Variants in AGBL4 observed in about 807,000 individuals in gnomAD.
AGBL4 encodes AGBL carboxypeptidase 4, also known as cytosolic carboxypeptidase 6.
A neutral mutation model predicts 66.4 loss-of-function variants in AGBL4; 58 were observed. That is an observed-to-expected ratio of 0.87 (90% confidence interval 0.71 to 1.09). The LOEUF (loss-of-function observed/expected upper bound fraction) is 1.09. Among genes scored for constraint, AGBL4 ranks in the 50% least tolerant of loss-of-function variants. The pLI is 0.00. For synonymous variants in AGBL4, 234 were observed against 222.9 expected (o/e 1.05, Z -0.44); for missense variants, 579 against 631.0 (o/e 0.92, Z 0.88).
chr1:49,032,828 G>A (rs895263525), intron 5 of AGBL4, among the ~76,000 whole-genome samples: 1 of 152,126 alleles, frequency 6.6e-6, no homozygotes, highest in Non-Finnish European at 1.5e-5. Flanking sequence ...TAGTATATGA[G>A]AATAACTTAA....
At chr1:49,912,204 TG>T (rs1650908443) in intron 1 of AGBL4, among the ~76,000 whole-genome samples, 1 of 152,206 alleles carries the variant, frequency 6.6e-6, no homozygotes. Flanking sequence ...CTATCCCATC[TG>T]TGCAGGGACT....
intron 5 of AGBL4, among the ~76,000 whole-genome samples, chr1:48,938,039 A>G (rs1655626370): frequency 6.6e-6 from 1 of 152,222 alleles, no homozygotes; most frequent in Non-Finnish European, 1.5e-5. Flanking sequence ...GGACTATAAT[A>G]TCTACATCCT....
At chr1:48,904,559 A>G (rs1652403159) in intron 5 of AGBL4, among the ~76,000 whole-genome samples, 1 of 152,218 alleles carries the variant, frequency 6.6e-6, no homozygotes, top group South Asian at 2.1e-4. Flanking sequence ...GTCTGTCTCT[A>G]TTCAAATACG....
chr1:48,940,537 T>C (rs1238599479), intron 5 of AGBL4, among the ~76,000 whole-genome samples: 3 of 152,176 alleles, frequency 2.0e-5, no homozygotes, highest in African/African-American at 7.2e-5. Context: ...AAGTAGTGTT[T>C]TGGGAAATGA....
chr1:49,883,989 A>G (rs1647727326), intron 1 of AGBL4, among the ~76,000 whole-genome samples: 1 of 152,048 alleles, frequency 6.6e-6, no homozygotes, highest in Non-Finnish European at 1.5e-5. Context: ...AATGACATTT[A>G]CAGCAGTACA....
intron 2 of AGBL4, among the ~76,000 whole-genome samples, chr1:49,769,646 C>G (rs139034567): frequency 6.3e-4 from 96 of 152,030 alleles, no homozygotes; most frequent in African/African-American, 2.3e-3. Context: ...AATAGAGAAC[C>G]CAGAAATAAA....
intron 3 of AGBL4, among the ~76,000 whole-genome samples, chr1:49,256,517 T>C (rs1211415982): frequency 6.6e-6 from 1 of 152,206 alleles, no homozygotes; most frequent in Non-Finnish European, 1.5e-5. Context: ...TATAAAACAT[T>C]GTTGAGACAA....
chr1:49,456,888 G>A (rs1329125888), intron 3 of AGBL4, among the ~76,000 whole-genome samples: 1 of 151,666 alleles, frequency 6.6e-6, no homozygotes, highest in Admixed American at 6.6e-5. Context: ...CTGGTTTGCT[G>A]TGAATACCAC....
At chr1:49,554,543 G>C (rs1156667332) in intron 3 of AGBL4, among the ~76,000 whole-genome samples, 2 of 152,138 alleles carry the variant, frequency 1.3e-5, no homozygotes, top group Admixed American at 6.6e-5. Context: ...AGACACTCCA[G>C]ATACCAAGTG....
intron 3 of AGBL4, among the ~76,000 whole-genome samples, chr1:49,260,117 A>C (rs995129940): frequency 8.7e-5 from 13 of 150,254 alleles, no homozygotes; most frequent in Non-Finnish European, 1.9e-4. Context: ...AACGAGAACA[A>C]AGACACAACA....
At chr1:48,989,333 G>A (rs1029039144) in intron 5 of AGBL4, among the ~76,000 whole-genome samples, 1 of 151,850 alleles carries the variant, frequency 6.6e-6, no homozygotes, top group Non-Finnish European at 1.5e-5. Context: ...GGTAAATGGG[G>A]TATCCATCAC....
chr1:49,885,603 T>A (rs925537169), intron 1 of AGBL4, among the ~76,000 whole-genome samples: 2 of 152,050 alleles, frequency 1.3e-5, no homozygotes, highest in African/African-American at 2.4e-5. Flanking sequence ...CTACAATCAA[T>A]TAGAGGATGT....
intron 9 of AGBL4, among the ~76,000 whole-genome samples, chr1:48,619,265 A>G (rs950685577): frequency 1.6e-4 from 25 of 152,222 alleles, no homozygotes; most frequent in African/African-American, 5.8e-4. Flanking sequence ...GGTGACGGAA[A>G]CAAGAGTTTC....
chr1:49,934,895 A>G (rs1375134642), intron 1 of AGBL4, among the ~76,000 whole-genome samples: 4 of 151,988 alleles, frequency 2.6e-5, no homozygotes, highest in Admixed American at 6.5e-5. Flanking sequence ...ACAGCTCCCA[A>G]CGTGAGCGAT....
intron 6 of AGBL4, among the ~76,000 whole-genome samples, chr1:48,790,375 G>GA (rs11431488): frequency 0.68 from 94,584 of 138,310 alleles, 29,923 homozygotes; most frequent in Non-Finnish European, 0.76. Context: ...CAAAAAGGGG[G>GA]AAAAAATCTT....
chr1:49,070,438 T>G (rs1015467770), intron 4 of AGBL4, among the ~76,000 whole-genome samples: 2 of 152,000 alleles, frequency 1.3e-5, no homozygotes, highest in African/African-American at 4.8e-5. Context: ...GTTTTTAGCA[T>G]GAAGGGCTGT....
chr1:48,909,883 A>T (rs1418092777), intron 5 of AGBL4, among the ~76,000 whole-genome samples: 1 of 152,226 alleles, frequency 6.6e-6, no homozygotes, highest in Non-Finnish European at 1.5e-5. Flanking sequence ...TTTCCTATAC[A>T]TAATTTCTAT....
chr1:48,784,322 A>G (rs1236349318), intron 6 of AGBL4, among the ~76,000 whole-genome samples: 1 of 152,160 alleles, frequency 6.6e-6, no homozygotes, highest in Non-Finnish European at 1.5e-5. Flanking sequence ...GGTGTCCAAT[A>G]TATTTTTACT....
chr1:49,897,574 T>C (rs1012695198), intron 1 of AGBL4, among the ~76,000 whole-genome samples: 3 of 151,832 alleles, frequency 2.0e-5, no homozygotes, highest in South Asian at 2.1e-4. Context: ...CAAAATATAA[T>C]GACATTCTTC....
Sources: gnomAD v4.1 joint callset for allele counts (sites outside exome capture counted in the v4.1 genomes callset) on GRCh38, gnomAD v4.1.1 for gene constraint, MANE v1.5 for transcripts, NCBI Gene and HGNC (gene_info 2026-07-23, HGNC 2026-07-21) for gene names.